Variants in CA13 observed in about 807,000 individuals in gnomAD.
The protein encoded by CA13 is carbonic anhydrase 13.
Under a neutral mutation model 31.5 loss-of-function variants are expected in CA13, and 21 were observed. That is an observed-to-expected ratio of 0.67 (90% confidence interval 0.47 to 0.96). CA13 has a LOEUF of 0.96. CA13 is among the 40% of genes least tolerant of loss of function. CA13 has a pLI of 0.00. For synonymous variants in CA13, 117 were observed against 111.4 expected (o/e 1.05, Z -0.32); for missense variants, 315 against 318.9 (o/e 0.99, Z 0.09).
chr8:85,251,802 A>G (rs1389553379), intron 2 of CA13, among the ~76,000 whole-genome samples: 1 of 152,156 alleles, frequency 6.6e-6, no homozygotes, highest in East Asian at 1.9e-4. Context: ...TTCTTCCATA[A>G]TATTTCGGTG....
At chr8:85,253,335 G>A (rs566853944) in intron 2 of CA13, among the ~76,000 whole-genome samples, 1 of 152,006 alleles carries the variant, frequency 6.6e-6, no homozygotes, top group East Asian at 1.9e-4. Flanking sequence ...TGCAATCATG[G>A]CTCACTGCAG....
intron 3 of CA13, 125 bp downstream of exon 3, chr8:85,259,664 G>T (rs755728872): frequency 2.8e-5 from 20 of 714,868 alleles, no homozygotes; most frequent in Admixed American, 5.0e-5. Flanking sequence ...GTCTGAAACT[G>T]CTTTATTCAT....
intron 6 of CA13, among the ~76,000 whole-genome samples, chr8:85,274,126 C>T (rs1807567056): frequency 1.3e-5 from 2 of 152,178 alleles, no homozygotes; most frequent in South Asian, 4.2e-4. Context: ...GAGTTATTCA[C>T]CCCCTGCCCA....
At chr8:85,260,177 G>A (rs1807356898) in intron 3 of CA13, among the ~76,000 whole-genome samples, 1 of 151,846 alleles carries the variant, frequency 6.6e-6, no homozygotes, top group Admixed American at 6.6e-5. Context: ...CCTTATAATT[G>A]TATTCACTAA....
intron 6 of CA13, among the ~76,000 whole-genome samples, chr8:85,277,728 C>T (rs1807634714): frequency 6.6e-6 from 1 of 152,042 alleles, no homozygotes. Context: ...CGGGCTGAGG[C>T]CTAAAATGGC....
chr8:85,276,795 G>C (rs112206933), intron 6 of CA13, among the ~76,000 whole-genome samples: 4,574 of 148,070 alleles, frequency 0.031, 237 homozygotes, highest in African/African-American at 0.11. Flanking sequence ...TGCACCAGTC[G>C]ACACTCTGTA....
intron 1 of CA13, chr8:85,249,776 C>G (rs1408513644): frequency 2.3e-6 from 1 of 430,358 alleles, no homozygotes; most frequent in East Asian, 7.5e-5. Context: ...GAATAAGAAC[C>G]TATAACCTAT....
At chr8:85,254,587 A>G (rs1379734623) in intron 2 of CA13, among the ~76,000 whole-genome samples, 2 of 152,134 alleles carry the variant, frequency 1.3e-5, no homozygotes, top group African/African-American at 4.8e-5. Context: ...TCTAGTTCAC[A>G]ATAAAATTAC....
intron 6 of CA13, 25 bp downstream of exon 6, chr8:85,268,652 A>G (rs771364684): frequency 6.3e-7 from 1 of 1,578,548 alleles, no homozygotes; most frequent in Admixed American, 1.8e-5. Context: ...CCAGGTTGAT[A>G]CTGATTCCCT....
chr8:85,245,772 CCCT>C lies in CA13; in HGVS notation c.-52_-50del. On this transcript the variant is annotated 5_prime_UTR_variant, in exon 1 of 7. Transcript: ENST00000321764. ...GCTCCTTCCCGGGCCCCTCCCCGCT[CCCT>C]CCTCTTTCTCGCTGCTCAGTCACAT... 3 of 1,599,884 alleles carry C rather than the reference CCCT, an allele frequency of 1.9e-6. No individual in the cohort carries two copies. The highest frequency in any genetic ancestry group is 2.6e-6 in the Non-Finnish European group (3 of 1,167,374).
At chr8:85,265,071 G>T (rs914459843) in intron 3 of CA13, among the ~76,000 whole-genome samples, 4 of 152,144 alleles carry the variant, frequency 2.6e-5, no homozygotes, top group Non-Finnish European at 5.9e-5. Context: ...TAAATTTCCT[G>T]TAAGTTATAT....
chr8:85,257,780 G>A (rs1462339446), intron 2 of CA13, among the ~76,000 whole-genome samples: 12 of 148,468 alleles, frequency 8.1e-5, no homozygotes, highest in Non-Finnish European at 1.6e-4. Context: ...GAGCACTTTT[G>A]GCTAATTTTT....
intron 2 of CA13, among the ~76,000 whole-genome samples, chr8:85,258,230 A>G (rs2129965647): frequency 6.6e-6 from 1 of 152,000 alleles, no homozygotes; most frequent in East Asian, 1.9e-4. Flanking sequence ...ATTCTCCCAT[A>G]TGCTTTAAAC....
At chr8:85,252,637 A>G (rs1158270624) in intron 2 of CA13, among the ~76,000 whole-genome samples, 3 of 152,236 alleles carry the variant, frequency 2.0e-5, no homozygotes, top group African/African-American at 2.4e-5. Context: ...TATCAAGTTT[A>G]AATGTAAGAT....
At chr8:85,249,937 C>A in intron 1 of CA13, 1 of 348,538 alleles carries the variant, frequency 2.9e-6, no homozygotes, top group Non-Finnish European at 5.8e-6. Flanking sequence ...TTCAATTTCC[C>A]TAACATGTCT....
intron 6 of CA13, among the ~76,000 whole-genome samples, chr8:85,268,844 G>A (rs537022203): frequency 5.9e-5 from 9 of 152,174 alleles, no homozygotes; most frequent in South Asian, 4.2e-4. Context: ...TGTACATAGC[G>A]ACACTGATGA....
chr8:85,245,921 C>T (rs1813718001), intron 1 of CA13, 56 bp downstream of exon 1: 3 of 1,599,566 alleles, frequency 1.9e-6, no homozygotes, highest in East Asian at 2.2e-5. Context: ...AGAGGACTAG[C>T]GCGACGCCCC....
chr8:85,252,124 G>A (rs1027277169), intron 2 of CA13, among the ~76,000 whole-genome samples: 23 of 152,108 alleles, frequency 1.5e-4, no homozygotes, highest in Non-Finnish European at 1.2e-4. Context: ...AGGCATGGTG[G>A]GGTGTGCCTT....
At chr8:85,252,213 T>C (rs2129950534) in intron 2 of CA13, among the ~76,000 whole-genome samples, 1 of 152,206 alleles carries the variant, frequency 6.6e-6, no homozygotes, top group African/African-American at 2.4e-5. Context: ...GCCATGATAG[T>C]GCCACTGTAC....
Sources: gnomAD v4.1 joint callset for allele counts (sites outside exome capture counted in the v4.1 genomes callset) on GRCh38, gnomAD v4.1.1 for gene constraint, MANE v1.5 for transcripts, NCBI Gene and HGNC (gene_info 2026-07-23, HGNC 2026-07-21) for gene names.